The following ZBTB7C variants were observed in gnomAD, a reference collection of about 807,000 sequenced individuals.
The protein encoded by ZBTB7C is zinc finger and BTB domain-containing protein 7C.
In ZBTB7C, 8 loss-of-function variants were observed where a neutral mutation model predicts 25.7. The observed-to-expected ratio is 0.31, with a 90% CI of 0.18 to 0.56. The LOEUF (loss-of-function observed/expected upper bound fraction) is 0.56, where lower values mean the gene tolerates loss of function less well. Among genes scored for constraint, ZBTB7C ranks in the 20% least tolerant of loss-of-function variants. The probability of loss-of-function intolerance (pLI) is 0.91; values close to 1 mark genes in which losing one functional copy is unlikely to be tolerated. For synonymous variants in ZBTB7C, 394 were observed against 369.0 expected (o/e 1.07, Z -0.78); for missense variants, 824 against 855.2 (o/e 0.96, Z 0.46).
At chr18:48,047,881 A>C (rs1244952338) in intron 3 of ZBTB7C, among the ~76,000 whole-genome samples, 1 of 152,180 alleles carries the variant, frequency 6.6e-6, no homozygotes, top group Non-Finnish European at 1.5e-5. Flanking sequence ...CCTCCAATTT[A>C]CAGATAATAA....
chr18:48,277,912 G>T (rs907595435), intron 2 of ZBTB7C, among the ~76,000 whole-genome samples: 3 of 152,090 alleles, frequency 2.0e-5, no homozygotes, highest in African/African-American at 7.2e-5. Flanking sequence ...AGGATGCAAG[G>T]GGGAGGAGGG....
chr18:48,347,319 G>A lies in ZBTB7C; in HGVS notation c.-303-8921C>T, dbSNP rs370540408. 6.6e-5 allele frequency among the ~76,000 whole-genome samples: 10 copies of A among 150,600 alleles called. No individual in the cohort carries two copies. The East Asian group carries it at 7.8e-4, about 12-fold the overall frequency. ...CTCCCAAAGTGCTGGGATTATAGGC[G>A]TGAGCCACCACTCCCAGCCGTGATC... On this transcript the variant is annotated intron_variant, in intron 1 of 4. Transcript: ENST00000590800.
chr18:48,359,117 C>T (rs867875211), intron 1 of ZBTB7C, among the ~76,000 whole-genome samples: 1 of 152,152 alleles, frequency 6.6e-6, no homozygotes. Context: ...CATCCTGTGA[C>T]CCCAGCCCCC....
At chr18:48,200,023 A>AT (rs1318889356) in intron 2 of ZBTB7C, among the ~76,000 whole-genome samples, 7 of 119,904 alleles carry the variant, frequency 5.8e-5, no homozygotes, top group African/African-American at 1.2e-4. Context: ...TGTGTGTGTA[A>AT]TTTTTTTTTG....
rs1309664329 is a variant in ZBTB7C at position 48,029,404 on chromosome 18, G to C, written c.1716C>G (p.Gly572=). 3 of 1,570,662 alleles carry C rather than the reference G, an allele frequency of 1.9e-6. No homozygotes were observed. Among genetic ancestry groups the C allele is most frequent in the East Asian group, 2.4e-5 (1 of 42,254 alleles). Residue 572 remains glycine, a synonymous_variant, in exon 5 of 5, where the codon GGC becomes GGG. Coordinates refer to ENST00000590800, the MANE Select transcript of ZBTB7C (RefSeq NM_001318841.2). ...AQLEAERNAG[G]LLAFALAENV... ...TCTCGGCCAGCGCGAAGGCCAGGAG[G>C]CCCCCCGCGTTCCTCTCAGCCTCCA...
intron 3 of ZBTB7C, among the ~76,000 whole-genome samples, chr18:48,056,012 A>G (rs1345160727): frequency 6.6e-6 from 1 of 152,170 alleles, no homozygotes; most frequent in East Asian, 1.9e-4. Flanking sequence ...TAAGAAATAC[A>G]AGGTTAAAAA....
chr18:48,223,527 A>G (rs1463180742), intron 2 of ZBTB7C, among the ~76,000 whole-genome samples: 1 of 152,196 alleles, frequency 6.6e-6, no homozygotes, highest in East Asian at 1.9e-4. Context: ...CTTCTACTTA[A>G]GCACCTTACA....
At chr18:48,307,171 C>T (rs1246629257) in intron 2 of ZBTB7C, among the ~76,000 whole-genome samples, 1 of 152,176 alleles carries the variant, frequency 6.6e-6, no homozygotes, top group South Asian at 2.1e-4. Flanking sequence ...GGGGCAGATT[C>T]CAGGACCTCC....
intron 3 of ZBTB7C, among the ~76,000 whole-genome samples, chr18:48,170,553 A>G (rs2041438336): frequency 6.6e-6 from 1 of 152,214 alleles, no homozygotes; most frequent in East Asian, 1.9e-4. Flanking sequence ...GCATTTTCAG[A>G]CATGTTCAGG....
At chr18:48,119,723 G>C (rs766261706) in intron 3 of ZBTB7C, among the ~76,000 whole-genome samples, 7 of 152,204 alleles carry the variant, frequency 4.6e-5, no homozygotes, top group Non-Finnish European at 1.0e-4. Context: ...ATGTGTGTTG[G>C]TTTGCTTGGG....
At chr18:48,367,429 A>T (rs987377444) in intron 1 of ZBTB7C, among the ~76,000 whole-genome samples, 8 of 147,658 alleles carry the variant, frequency 5.4e-5, no homozygotes, top group Non-Finnish European at 1.5e-5. Context: ...GCTAGGGATC[A>T]TGTGACCTGG....
At chr18:48,314,362 G>A (rs941272204) in intron 2 of ZBTB7C, among the ~76,000 whole-genome samples, 9 of 152,192 alleles carry the variant, frequency 5.9e-5, no homozygotes, top group African/African-American at 2.2e-4. Context: ...CAATGACAGA[G>A]TCCCCTCTTA....
rs562970788 is a variant in ZBTB7C at position 48,174,909 on chromosome 18, A to G, written c.-17+11025T>C. On this transcript the variant is annotated intron_variant, in intron 3 of 4. Transcript: ENST00000590800. ...TCTCTTTACACAAAGAAATAGATGC[A>G]TAAGCAGAAAACAATTAAATTGGTT... Among the ~76,000 whole-genome samples the G allele has an allele frequency of 2.6e-5, 4 of 152,368 alleles. No homozygotes were observed. In the South Asian group the frequency reaches 8.3e-4, roughly 32 times the overall value.
intron 3 of ZBTB7C, among the ~76,000 whole-genome samples, chr18:48,063,206 C>G (rs2037189995): frequency 6.6e-6 from 1 of 152,238 alleles, no homozygotes; most frequent in Non-Finnish European, 1.5e-5. Context: ...TGGTTGGTCA[C>G]CCTCGTTCAT....
At position 48,040,228 on chromosome 18, in the gene ZBTB7C, TCTC is replaced by T. The variant is rs745853148; in HGVS notation, c.877_879del (p.Glu293del). 6 of 1,569,514 alleles carry T rather than the reference TCTC, an allele frequency of 3.8e-6. No individual in the cohort carries two copies. Among genetic ancestry groups the T allele is most frequent in the African/African-American group, 1.4e-5 (1 of 73,656 alleles). ...GGTGGGGGTGGGGGCAGCTCCTCCT[TCTC>T]CTCCTCCTTGATCTTCCGATTCTTG... is the stretch of plus-strand genomic sequence containing the variant. On this transcript the variant is annotated inframe_deletion, in exon 4 of 5. Transcript: ENST00000590800.
At position 48,253,641 on chromosome 18, in the gene ZBTB7C, G is replaced by C. The variant is rs147229843; in HGVS notation, c.-78-67646C>G. Among the ~76,000 whole-genome samples, 688 of 152,266 alleles carry C rather than the reference G, an allele frequency of 4.5e-3. 2 individuals are homozygous for C. The highest frequency in any genetic ancestry group is 0.016 in the African/African-American group (652 of 41,554). On this transcript the variant is annotated intron_variant, in intron 2 of 4. Coordinates refer to ENST00000590800, the MANE Select transcript of ZBTB7C (RefSeq NM_001318841.2). ...ATAGGACAGAGCACCAGAGAGAAGAGAGAGAAAGAACCTCAGAGATCTGTA... is the reference window on the plus strand; with the variant it reads ...ATAGGACAGAGCACCAGAGAGAAGACAGAGAAAGAACCTCAGAGATCTGTA...
At chr18:48,300,280 C>A (rs1477799606) in intron 2 of ZBTB7C, among the ~76,000 whole-genome samples, 1 of 152,134 alleles carries the variant, frequency 6.6e-6, no homozygotes, top group Non-Finnish European at 1.5e-5. Flanking sequence ...GAACACTTGG[C>A]TAGGTTTTTC....
At chr18:48,172,161 G>C (rs976003593) in intron 3 of ZBTB7C, among the ~76,000 whole-genome samples, 7 of 152,184 alleles carry the variant, frequency 4.6e-5, no homozygotes, top group South Asian at 2.1e-4. Flanking sequence ...GTTTGAGAAA[G>C]GTATCTGGGA....
At position 48,029,540 on chromosome 18, in the gene ZBTB7C, C is replaced by A; in HGVS notation, c.1580G>T (p.Gly527Val). The A allele has an allele frequency of 1.3e-6, 2 of 1,565,342 alleles. No homozygotes were observed. Among genetic ancestry groups the A allele is most frequent in the Non-Finnish European group, 1.7e-6 (2 of 1,166,152 alleles). Residue 527 changes from glycine to valine, a missense_variant, in exon 5 of 5, where the codon GGC becomes GTC. By Grantham distance (109) the Gly-to-Val change is moderately radical. Coordinates refer to ENST00000590800, the MANE Select transcript of ZBTB7C (RefSeq NM_001318841.2). Reference sequence around the variant, plus strand: ...CAGGAAGTGCTTGGCGGGGCTGGGGCCCGGGAGGCACACAGCTGCGCCGCC... The same window carrying A: ...CAGGAAGTGCTTGGCGGGGCTGGGGACCGGGAGGCACACAGCTGCGCCGCC... The part of the protein sequence containing the change: ...HLGGAAVCLP[G>V]PSPAKHFLAA...
Sources: gnomAD v4.1 joint callset for allele counts (sites outside exome capture counted in the v4.1 genomes callset) on GRCh38, gnomAD v4.1.1 for gene constraint, MANE v1.5 for transcripts, NCBI Gene and HGNC (gene_info 2026-07-23, HGNC 2026-07-21) for gene names.